The following KCNH8 variants were observed in gnomAD, a reference collection of about 807,000 sequenced individuals.
KCNH8 encodes potassium voltage-gated channel subfamily H member 8, also known as voltage-gated delayed rectifier potassium channel KCNH8.
A neutral mutation model predicts 103.6 loss-of-function variants in KCNH8; 70 were observed. That is an observed-to-expected ratio of 0.68 (90% CI 0.56 to 0.82). The LOEUF is 0.82. KCNH8 is among the 40% of genes least tolerant of loss of function. KCNH8 has a pLI of 0.00. For missense variants in KCNH8, 1,217 were observed against 1,329.9 expected, an observed-to-expected ratio of 0.92 and a Z score of 1.32; for synonymous variants, 498 against 489.4, an observed-to-expected ratio of 1.02 and a Z score of -0.23.
At chr3:19,402,427 A>G (rs1017784455) in intron 7 of KCNH8, among the ~76,000 whole-genome samples, 2 of 151,922 alleles carry the variant, frequency 1.3e-5, no homozygotes, top group African/African-American at 2.4e-5. Flanking sequence ...CAAAATGGAG[A>G]TAAAAATGCC....
intron 4 of KCNH8, 90 bp downstream of exon 4, chr3:19,342,804 A>T (rs779386760): frequency 3.0e-5 from 39 of 1,287,094 alleles, no homozygotes; most frequent in Non-Finnish European, 3.9e-5. Flanking sequence ...TTACCCATTT[A>T]TTGGCTTGCC....
chr3:19,170,801 T>C (rs1221046426), intron 1 of KCNH8, among the ~76,000 whole-genome samples: 1 of 107,296 alleles, frequency 9.3e-6, no homozygotes, highest in East Asian at 2.3e-4. Context: ...TATATATATA[T>C]ATATATATAT....
chr3:19,153,840 G>A (rs1311481825), intron 1 of KCNH8, among the ~76,000 whole-genome samples: 5 of 151,690 alleles, frequency 3.3e-5, no homozygotes, highest in Non-Finnish European at 5.9e-5. Context: ...CACCATCTTG[G>A]CCAGGCTGGT....
chr3:19,164,911 T>A (rs998284960), intron 1 of KCNH8, among the ~76,000 whole-genome samples: 19 of 152,110 alleles, frequency 1.2e-4, no homozygotes, highest in Non-Finnish European at 7.4e-5. Context: ...GTTAATATTA[T>A]AATATATTCA....
intron 3 of KCNH8, among the ~76,000 whole-genome samples, chr3:19,302,449 A>G (rs2065075029): frequency 6.6e-6 from 1 of 152,182 alleles, no homozygotes; most frequent in Non-Finnish European, 1.5e-5. Flanking sequence ...CTTGGCTTCT[A>G]GGAAATTCTT....
At chr3:19,492,356 G>C (rs552668083) in intron 11 of KCNH8, among the ~76,000 whole-genome samples, 1 of 152,092 alleles carries the variant, frequency 6.6e-6, no homozygotes, top group Non-Finnish European at 1.5e-5. Context: ...TTTGTATGTG[G>C]TGACAGATAG....
chr3:19,510,967 G>A lies in KCNH8; in HGVS notation c.2079+566G>A, dbSNP rs114403727. On this transcript the variant is annotated intron_variant, in intron 12 of 15. Transcript: ENST00000328405. ...AAGACATTAAGAATTTACTGAAGAT[G>A]ATGGTGGAGAAGGGTCAAATAGGGT... 7.6e-3 allele frequency among the ~76,000 whole-genome samples: 1,161 copies of A among 152,296 alleles called. 18 individuals carry two copies. Among genetic ancestry groups the A allele is most frequent in the African/African-American group, 0.026 (1,085 of 41,574 alleles).
chr3:19,172,130 G>T (rs1245790025), intron 1 of KCNH8, among the ~76,000 whole-genome samples: 1 of 152,070 alleles, frequency 6.6e-6, no homozygotes, highest in East Asian at 1.9e-4. Context: ...CTACCTTCCT[G>T]GGTTGTACAA....
At position 19,249,387 on chromosome 3, in the gene KCNH8, G is replaced by A. The variant is rs572330416; in HGVS notation, c.77-4267G>A. On this transcript the variant is annotated intron_variant, in intron 1 of 15. Transcript: ENST00000328405. ...TCAGACTGCCACTAAATCCTCTTTA[G>A]AATTGAAATGCAATTACACATCGAG... 7.9e-5 allele frequency among the ~76,000 whole-genome samples: 12 copies of A among 152,310 alleles called. No individual in the cohort carries two copies. The East Asian group carries it at 2.3e-3, about 29-fold the overall frequency.
At chr3:19,444,035 T>C (rs1447511754) in intron 8 of KCNH8, among the ~76,000 whole-genome samples, 2 of 151,956 alleles carry the variant, frequency 1.3e-5, no homozygotes, top group Admixed American at 6.6e-5. Flanking sequence ...TGTTTGAAAA[T>C]TGACAAGTTG....
At chr3:19,417,201 T>C (rs571649718) in intron 7 of KCNH8, among the ~76,000 whole-genome samples, 77 of 147,634 alleles carry the variant, frequency 5.2e-4, no homozygotes, top group Admixed American at 5.0e-3. Flanking sequence ...GAAGAATATA[T>C]ATATATTCAT....
At chr3:19,294,736 C>T (rs2125284624) in intron 3 of KCNH8, among the ~76,000 whole-genome samples, 1 of 152,176 alleles carries the variant, frequency 6.6e-6, no homozygotes, top group South Asian at 2.1e-4. Context: ...AACTAAGTTG[C>T]CTTTAGAGAC....
intron 15 of KCNH8, among the ~76,000 whole-genome samples, chr3:19,521,741 A>G (rs901091708): frequency 6.7e-6 from 1 of 150,222 alleles, no homozygotes; most frequent in Admixed American, 6.6e-5. Flanking sequence ...ATTTCAAAGC[A>G]TCTTATCTTA....
At chr3:19,235,343 C>T (rs1201901733) in intron 1 of KCNH8, among the ~76,000 whole-genome samples, 1 of 151,892 alleles carries the variant, frequency 6.6e-6, no homozygotes, top group African/African-American at 2.4e-5. Context: ...TTTTTAAATG[C>T]TGTTTATATA....
At chr3:19,337,262 C>A (rs2065596802) in intron 3 of KCNH8, among the ~76,000 whole-genome samples, 1 of 151,846 alleles carries the variant, frequency 6.6e-6, no homozygotes, top group Non-Finnish European at 1.5e-5. Context: ...TAATGCCTAA[C>A]AAAGTGAGTA....
intron 5 of KCNH8, 114 bp downstream of exon 5, chr3:19,348,079 C>T (rs1477778868): frequency 7.7e-7 from 1 of 1,302,514 alleles, no homozygotes; most frequent in East Asian, 2.4e-5. Context: ...TTGATTCAGC[C>T]TCTGTTGCAA....
At chr3:19,513,516 A>G (rs1233012895) in intron 13 of KCNH8, among the ~76,000 whole-genome samples, 191 bp downstream of exon 13, 1 of 152,102 alleles carries the variant, frequency 6.6e-6, no homozygotes, top group Admixed American at 6.6e-5. Flanking sequence ...GATGGGCAAA[A>G]TATGTTCTCA....
chr3:19,484,891 T>C (rs1049548156), intron 11 of KCNH8, among the ~76,000 whole-genome samples: 1 of 152,150 alleles, frequency 6.6e-6, no homozygotes, highest in Non-Finnish European at 1.5e-5. Flanking sequence ...CTCTGTAGTA[T>C]AGGAGGAGGC....
rs2063229661 is a variant in KCNH8, at chr3:19,161,085, GA to G, written c.76+12297del. On this transcript the variant is annotated intron_variant, in intron 1 of 15. Transcript: ENST00000328405. ...AAACCTATCTGTGAAATTGTGATGG[GA>G]AAAAAATTGTGCTAGTTTTGCTGTC... Among the ~76,000 whole-genome samples, 3 of 152,150 alleles carry G rather than the reference GA, an allele frequency of 2.0e-5. No homozygotes were observed. The South Asian group carries it at 6.2e-4, about 32-fold the overall frequency.
Sources: allele counts gnomAD v4.1 joint callset (sites outside exome capture counted in the v4.1 genomes callset), GRCh38; gene constraint gnomAD v4.1.1; transcripts MANE v1.5; gene names NCBI Gene and HGNC (gene_info 2026-07-23, HGNC 2026-07-21).